The following MOB1B variants were observed in gnomAD, a reference collection of about 807,000 sequenced individuals.
MOB1B encodes the protein MOB1 Mps One Binder homolog B.
MOB1B carries 19 observed loss-of-function variants against 24.4 expected under a neutral mutation model. The ratio of observed to expected loss-of-function variants is 0.78; its 90% confidence interval spans 0.54 to 1.14. The LOEUF (loss-of-function observed/expected upper bound fraction) is 1.14, where lower values mean the gene tolerates loss of function less well. MOB1B is among the 50% of genes most tolerant of loss of function. The probability of loss-of-function intolerance (pLI) is 0.00; values close to 1 mark genes in which losing one functional copy is unlikely to be tolerated. For synonymous variants in MOB1B, 76 were observed against 82.1 expected, an observed-to-expected ratio of 0.93 and a Z score of 0.40; for missense variants, 243 against 259.6, an observed-to-expected ratio of 0.94 and a Z score of 0.44.
chr4:70,933,759 C>G (rs1200700135), intron 1 of MOB1B, among the ~76,000 whole-genome samples: 2 of 151,936 alleles, frequency 1.3e-5, no homozygotes, highest in African/African-American at 2.4e-5. Context: ...ACCATGTTGG[C>G]CAGGCTGGTC....
At chr4:70,930,938 C>G (rs1404926566) in intron 1 of MOB1B, among the ~76,000 whole-genome samples, 2 of 118,252 alleles carry the variant, frequency 1.7e-5, no homozygotes, top group African/African-American at 6.5e-5. Flanking sequence ...AAAGGGACTT[C>G]TTTAAACATT....
At chr4:70,955,032 C>T (rs1042809704) in intron 1 of MOB1B, among the ~76,000 whole-genome samples, 6 of 152,170 alleles carry the variant, frequency 3.9e-5, no homozygotes, top group South Asian at 4.2e-4. Flanking sequence ...GTGGTCTGCC[C>T]GCCTCGGCCT....
chr4:70,966,622 C>T (rs748489108), intron 2 of MOB1B, among the ~76,000 whole-genome samples: 2 of 151,950 alleles, frequency 1.3e-5, no homozygotes, highest in African/African-American at 2.4e-5. Flanking sequence ...GATCCACCTG[C>T]GTCAGCCTCC....
At chr4:70,969,789 G>T in intron 2 of MOB1B, 142 bp from the exon 3 acceptor site, 194 of 400,364 alleles carry the variant, frequency 4.8e-4, no homozygotes, top group Middle Eastern at 1.5e-3. Flanking sequence ...TCATTTCAAT[G>T]TATTGATACT....
At chr4:70,955,549 C>T (rs1038326722) in intron 1 of MOB1B, among the ~76,000 whole-genome samples, 1 of 144,356 alleles carries the variant, frequency 6.9e-6, no homozygotes, top group Non-Finnish European at 1.5e-5. Flanking sequence ...CGGCTCACTG[C>T]AACCCCCGCC....
At chr4:70,949,560 G>T (rs929500562) in intron 1 of MOB1B, among the ~76,000 whole-genome samples, 1 of 152,172 alleles carries the variant, frequency 6.6e-6, no homozygotes, top group African/African-American at 2.4e-5. Flanking sequence ...GGCAGAGTAT[G>T]TGCTAAGTAT....
At chr4:70,962,065 A>G (rs950815836) in intron 2 of MOB1B, among the ~76,000 whole-genome samples, 1 of 152,124 alleles carries the variant, frequency 6.6e-6, no homozygotes, top group Admixed American at 6.6e-5. Flanking sequence ...AAAATATAAA[A>G]TAAAATAAAT....
chr4:70,933,639 C>T (rs1394764611), intron 1 of MOB1B, among the ~76,000 whole-genome samples: 1 of 149,642 alleles, frequency 6.7e-6, no homozygotes, highest in Non-Finnish European at 1.5e-5. Context: ...GCAACCTCCG[C>T]CTCCCGGGTT....
intron 1 of MOB1B, among the ~76,000 whole-genome samples, chr4:70,921,987 A>G (rs1736457796): frequency 1.3e-5 from 2 of 152,194 alleles, no homozygotes; most frequent in Non-Finnish European, 2.9e-5. Context: ...TGTTTCATAA[A>G]TAACCTTTTA....
intron 1 of MOB1B, among the ~76,000 whole-genome samples, chr4:70,927,919 C>T (rs1036948030): frequency 1.3e-5 from 2 of 152,180 alleles, no homozygotes; most frequent in African/African-American, 4.8e-5. Context: ...TCTAACATCC[C>T]TCCCCCACAG....
chr4:70,941,202 G>A lies in MOB1B; in HGVS notation c.15-17672G>A, dbSNP rs189069523. ...TTTTCTATGCCATACACACACAGTA[G>A]TAGTGGCTGTTTCTTAACAGGTTGA... On this transcript the variant is annotated intron_variant, in intron 1 of 5. Coordinates refer to ENST00000309395, the MANE Select transcript of MOB1B (RefSeq NM_173468.4). Among the ~76,000 whole-genome samples the A allele has an allele frequency of 3.7e-4, 55 of 150,192 alleles. No individual in the cohort carries two copies. In the East Asian group the frequency reaches 9.0e-3, roughly 24 times the overall value.
intron 1 of MOB1B, among the ~76,000 whole-genome samples, chr4:70,936,268 G>A (rs1737080596): frequency 1.3e-5 from 2 of 152,232 alleles, no homozygotes; most frequent in South Asian, 4.1e-4. Context: ...TGCTGGGATT[G>A]CTGGAATTAC....
Position 70,902,493 on chromosome 4 carries a change from G to C in MOB1B, c.-44G>C. ...CTTCTTTCCTGGCCCACGCCGCTCC[G>C]AGGCCTCGCGACCGCCGAGCCTGCA... On this transcript the variant is annotated 5_prime_UTR_variant, in exon 1 of 6. Transcript: ENST00000309395. 2.6e-6 allele frequency: 4 copies of C among 1,552,508 alleles called. No homozygotes were observed. The highest frequency in any genetic ancestry group is 3.5e-6 in the Non-Finnish European group (4 of 1,147,934).
In MOB1B at chr4:70,981,353, T is replaced by A. The variant is rs73827064; in HGVS notation, c.574-627T>A. On this transcript the variant is annotated intron_variant, in intron 5 of 5. Coordinates refer to ENST00000309395, the MANE Select transcript of MOB1B (RefSeq NM_173468.4). ...GCCTCTATTTACTAGCCTTATAGTT[T>A]ATAGTTCAGGGGAAATCTATTCAGA... 8.8e-3 allele frequency among the ~76,000 whole-genome samples: 1,345 copies of A among 152,292 alleles called. 22 individuals are homozygous for A. Among genetic ancestry groups the A allele is most frequent in the African/African-American group, 0.031 (1,273 of 41,546 alleles).
At chr4:70,963,434 A>T (rs182617003) in intron 2 of MOB1B, among the ~76,000 whole-genome samples, 1 of 152,332 alleles carries the variant, frequency 6.6e-6, no homozygotes, top group East Asian at 1.9e-4. Context: ...TAGGATAAAT[A>T]GATAGCAAAT....
rs187609859 is a variant in MOB1B, at chr4:70,964,566, A to G, written c.182-5365A>G. On this transcript the variant is annotated intron_variant, in intron 2 of 5. Coordinates refer to ENST00000309395, the MANE Select transcript of MOB1B (RefSeq NM_173468.4). ...CATATATTATAAAAGGAAAAATATT[A>G]AAAGTTAATGAACTAAGCATCCATC... 5.3e-5 allele frequency among the ~76,000 whole-genome samples: 8 copies of G among 152,348 alleles called. No individual in the cohort carries two copies. The East Asian group carries it at 1.3e-3, about 26-fold the overall frequency.
intron 5 of MOB1B, among the ~76,000 whole-genome samples, chr4:70,981,685 TG>T (rs1739215950): frequency 6.6e-6 from 1 of 152,176 alleles, no homozygotes; most frequent in Admixed American, 6.6e-5. Context: ...TTCCATTTAT[TG>T]TTACTTTGTG....
At chr4:70,976,585 C>T (rs1739005656) in intron 4 of MOB1B, 1 of 984,798 alleles carries the variant, frequency 1.0e-6, no homozygotes, top group Admixed American at 6.2e-5. Flanking sequence ...AGCTAAGAAT[C>T]TGCTCCTGTA....
chr4:70,943,668 C>CAGGA (rs1737443648), intron 1 of MOB1B, among the ~76,000 whole-genome samples: 1 of 152,052 alleles, frequency 6.6e-6, no homozygotes, highest in Non-Finnish European at 1.5e-5. Flanking sequence ...ATAGAAGAGA[C>CAGGA]AGGAGTTAAC....
Sources: gnomAD v4.1 joint callset for allele counts (sites outside exome capture counted in the v4.1 genomes callset) on GRCh38, gnomAD v4.1.1 for gene constraint, MANE v1.5 for transcripts, NCBI Gene and HGNC (gene_info 2026-07-23, HGNC 2026-07-21) for gene names.